The following NCAPH variants were observed in gnomAD, a reference collection of about 807,000 sequenced individuals.
The protein encoded by NCAPH is non-SMC condensin I complex subunit H.
Under a neutral mutation model 85.5 loss-of-function variants are expected in NCAPH, and 38 were observed. That is an observed-to-expected ratio of 0.44 (90% CI 0.34 to 0.58). The LOEUF is 0.58. Ranked by LOEUF, NCAPH falls within the 20% of genes least tolerant of loss-of-function variation. NCAPH has a pLI of 0.01. For missense variants in NCAPH, 789 were observed against 916.6 expected, an observed-to-expected ratio of 0.86 and a Z score of 1.80; for synonymous variants, 301 against 335.1, an observed-to-expected ratio of 0.90 and a Z score of 1.11.
chr2:96,359,102 T>A lies in NCAPH; in HGVS notation c.1266T>A (p.Ser422=). 1 of 1,614,228 alleles carries A rather than the reference T, an allele frequency of 6.2e-7. No homozygotes were observed. The highest frequency in any genetic ancestry group is 8.5e-7 in the Non-Finnish European group (1 of 1,180,040). ...TCAGGACCATGTGCCCCCTTCTGTC[T>A]ATGAAACCTGGAGAATATTCTTATT... ...GDIRTMCPLL[S]MKPGEYSYFS... is the part of the protein sequence containing the mutation. Residue 422 remains serine (S), a synonymous_variant, in exon 10 of 18, where the codon TCT becomes TCA. Coordinates refer to ENST00000240423, the MANE Select transcript of NCAPH (RefSeq NM_015341.5).
Position 96,352,602 on chromosome 2 carries a change from G to A in NCAPH, c.910+582G>A, listed in dbSNP as rs181571948. Among the ~76,000 whole-genome samples the A allele has an allele frequency of 4.6e-5, 7 of 152,310 alleles. No individual in the cohort carries two copies. The East Asian group carries it at 9.6e-4, about 21-fold the overall frequency. On this transcript the variant is annotated intron_variant, in intron 7 of 17. Coordinates refer to ENST00000240423, the MANE Select transcript of NCAPH (RefSeq NM_015341.5). ...TTGTAATGAGGTGCCAGCAGGTAGG[G>A]AGGCCAGGTGCGTGCAGTGCAGTAG...
At chr2:96,370,841 G>C (rs2064762851) in intron 17 of NCAPH, among the ~76,000 whole-genome samples, 3 of 152,282 alleles carry the variant, frequency 2.0e-5, no homozygotes, top group Admixed American at 2.0e-4. Flanking sequence ...TCCCAAGAAG[G>C]AATGATTGTG....
chr2:96,351,177 G>A (rs2064435805), intron 6 of NCAPH, among the ~76,000 whole-genome samples: 1 of 152,186 alleles, frequency 6.6e-6, no homozygotes, highest in Non-Finnish European at 1.5e-5. Flanking sequence ...CTATCATACA[G>A]GCTTTTTAAG....
At chr2:96,354,969 C>T (rs2064504423) in intron 9 of NCAPH, among the ~76,000 whole-genome samples, 1 of 151,992 alleles carries the variant, frequency 6.6e-6, no homozygotes, top group African/African-American at 2.4e-5. Flanking sequence ...TCTAAGCCAC[C>T]AATTTACCAC....
At chr2:96,353,475 T>A in intron 8 of NCAPH, 78 bp downstream of exon 8, 2 of 1,237,244 alleles carry the variant, frequency 1.6e-6, no homozygotes, top group Non-Finnish European at 2.4e-6. Flanking sequence ...ACCAAAACTG[T>A]GGCATCATCT....
chr2:96,340,372 C>A (rs995715106), intron 1 of NCAPH, among the ~76,000 whole-genome samples: 5 of 146,874 alleles, frequency 3.4e-5, no homozygotes, highest in Admixed American at 3.4e-4. Context: ...ATGACTAATA[C>A]TAATAAGCAT....
Position 96,342,892 on chromosome 2 carries a change from G to A in NCAPH, c.456+44G>A, listed in dbSNP as rs201945960. On this transcript the variant is annotated intron_variant, in intron 4 of 17. Coordinates refer to ENST00000240423, the MANE Select transcript of NCAPH (RefSeq NM_015341.5). Reference sequence around the variant, plus strand: ...TTCTCTTGCATCTGAATTAAATGATGATGATTTCTACTACTTGGCATAACA... The same window carrying A: ...TTCTCTTGCATCTGAATTAAATGATAATGATTTCTACTACTTGGCATAACA... The A allele has an allele frequency of 8.6e-5, 131 of 1,520,504 alleles. No individual in the cohort carries two copies. In the African/African-American group the frequency reaches 1.5e-3, roughly 17 times the overall value. The allele number at this position is 1,520,504 out of a possible 1,614,324, so 94.2% of individuals were successfully genotyped here. A position where few individuals can be genotyped will look rare whatever the true frequency, so the allele number is the denominator to read the frequency against.
rs748869358 is a variant in NCAPH, at chr2:96,360,610, C to T, written c.1487C>T (p.Ser496Phe). ...KTKAATILTK[S>F]TLENQNWRAT... ...TAGGCTGCTACTATTCTGACCAAGT[C>T]CACTTTGGAGAACCAGAATTGGAGA... Residue 496 changes from serine to phenylalanine, a missense_variant, in exon 12 of 18, where the codon TCC becomes TTC. Ser to Phe is a radical substitution (Grantham distance 155). Transcript: ENST00000240423. The T allele has an allele frequency of 1.9e-6, 3 of 1,613,946 alleles. No homozygotes were observed. Among genetic ancestry groups the T allele is most frequent in the African/African-American group, 2.7e-5 (2 of 74,918 alleles).
chr2:96,351,121 A>G (rs1311921957), intron 6 of NCAPH, among the ~76,000 whole-genome samples: 1 of 152,206 alleles, frequency 6.6e-6, no homozygotes, highest in Non-Finnish European at 1.5e-5. Flanking sequence ...TCCAAACTTT[A>G]GAAGATATTT....
chr2:96,372,554 T>C (rs541803246), intron 17 of NCAPH, among the ~76,000 whole-genome samples: 7 of 152,056 alleles, frequency 4.6e-5, no homozygotes, highest in Non-Finnish European at 8.8e-5. Context: ...CTCTTCTGAG[T>C]AGTGTGATGA....
intron 16 of NCAPH, 67 bp from the exon 17 acceptor site, chr2:96,369,358 T>TGCAATG: frequency 7.5e-7 from 1 of 1,340,016 alleles, no homozygotes; most frequent in Non-Finnish European, 1.1e-6. Flanking sequence ...GTATTATTCA[T>TGCAATG]ACTTGATGAA....
intron 6 of NCAPH, among the ~76,000 whole-genome samples, chr2:96,349,725 A>G (rs1427856490): frequency 6.6e-6 from 1 of 152,150 alleles, no homozygotes; most frequent in Non-Finnish European, 1.5e-5. Context: ...ACCAGTTGAG[A>G]GCACTTCTTT....
intron 6 of NCAPH, among the ~76,000 whole-genome samples, chr2:96,350,258 C>G (rs1307902316): frequency 6.6e-6 from 1 of 152,190 alleles, no homozygotes; most frequent in Non-Finnish European, 1.5e-5. Flanking sequence ...ATATAAATCC[C>G]TCTGTTGTCA....
intron 6 of NCAPH, among the ~76,000 whole-genome samples, chr2:96,351,371 A>G (rs545347333): frequency 1.3e-5 from 2 of 152,292 alleles, no homozygotes; most frequent in East Asian, 3.9e-4. Flanking sequence ...TATCTGCTCA[A>G]TTAGAAAGCC....
At chr2:96,370,727 G>A (rs900830212) in intron 17 of NCAPH, among the ~76,000 whole-genome samples, 5 of 152,216 alleles carry the variant, frequency 3.3e-5, no homozygotes, top group Non-Finnish European at 5.9e-5. Flanking sequence ...CACTGGGCCA[G>A]GACCAAGTGC....
At position 96,359,142 on chromosome 2, in the gene NCAPH, A is replaced by T; in HGVS notation, c.1306A>T (p.Met436Leu). The T allele has an allele frequency of 6.2e-7, 1 of 1,614,238 alleles. No homozygotes were observed. Among genetic ancestry groups the T allele is most frequent in the Non-Finnish European group, 8.5e-7 (1 of 1,180,040 alleles). ...ATATTCTTATTTCAGTCCTCGGACC[A>T]TGTCGATGTGGGCTGGCCCGGATCA... ...GEYSYFSPRT[M>L]SMWAGPDHWR... is the part of the protein sequence containing the mutation. Residue 436 changes from methionine to leucine, a missense_variant, in exon 10 of 18, where the codon ATG (methionine) becomes TTG (leucine). Coordinates refer to ENST00000240423, the MANE Select transcript of NCAPH (RefSeq NM_015341.5).
At chr2:96,336,020 G>T (rs1162137467) in intron 1 of NCAPH, among the ~76,000 whole-genome samples, 172 bp downstream of exon 1, 4 of 152,238 alleles carry the variant, frequency 2.6e-5, no homozygotes, top group African/African-American at 9.6e-5. Context: ...GGCCGGCGCG[G>T]GGCGGGCGGA....
At chr2:96,343,639 C>T (rs2064325254) in intron 5 of NCAPH, among the ~76,000 whole-genome samples, 1 of 151,546 alleles carries the variant, frequency 6.6e-6, no homozygotes, top group Admixed American at 6.6e-5. Flanking sequence ...CCATAAGTTG[C>T]AGATTAAATA....
chr2:96,351,766 T>C, intron 6 of NCAPH, 65 bp from the exon 7 acceptor site: 1 of 1,411,864 alleles, frequency 7.1e-7, no homozygotes, highest in South Asian at 1.4e-5. Flanking sequence ...GCCAAATGCA[T>C]GAGAATTTAT....
Sources: allele counts gnomAD v4.1 joint callset (sites outside exome capture counted in the v4.1 genomes callset), GRCh38; gene constraint gnomAD v4.1.1; transcripts MANE v1.5; gene names NCBI Gene and HGNC (gene_info 2026-07-23, HGNC 2026-07-21).